The following PRP4K variants were observed in gnomAD, a reference collection of about 807,000 sequenced individuals.
PRP4K encodes the protein pre-mRNA processing factor kinase PRP4K, also known as serine/threonine-protein kinase PRP4 homolog.
chr6:4,035,563 C>T, the PRP4K span, among the ~76,000 whole-genome samples: 1 of 152,114 alleles, frequency 6.6e-6, no homozygotes, highest in African/African-American at 2.4e-5. Flanking sequence ...GTAAGCACTA[C>T]AGATCTGAAT....
chr6:4,040,259 T>C, the PRP4K span, among the ~76,000 whole-genome samples: 1 of 152,078 alleles, frequency 6.6e-6, no homozygotes, highest in Non-Finnish European at 1.5e-5. Flanking sequence ...GAAACATGCA[T>C]ATAACTTACA....
the PRP4K span, among the ~76,000 whole-genome samples, chr6:4,038,683 G>A: frequency 6.6e-6 from 1 of 152,026 alleles, no homozygotes; most frequent in South Asian, 2.1e-4. Context: ...TCATTGCTGA[G>A]CAAATAGTTG....
chr6:4,032,863 TAAATG>T, the PRP4K span: 9 of 1,218,868 alleles, frequency 7.4e-6, no homozygotes, highest in African/African-American at 3.1e-5. Flanking sequence ...AAAATAAAAA[TAAATG>T]AAGTAGTAAT....
chr6:4,028,844 A>C, the PRP4K span, among the ~76,000 whole-genome samples: 1 of 151,022 alleles, frequency 6.6e-6, no homozygotes, highest in African/African-American at 2.4e-5. Context: ...TCTCTCCCCC[A>C]CCCCTTCTCC....
At chr6:4,049,457 T>C in the PRP4K span, 1 of 481,168 alleles carries the variant, frequency 2.1e-6, no homozygotes, top group Admixed American at 3.8e-5. Flanking sequence ...CATGCGGTAT[T>C]TGTCATGCGG....
chr6:4,060,428 A>G, the PRP4K span: 3 of 1,613,858 alleles, frequency 1.9e-6, no homozygotes, highest in Non-Finnish European at 1.7e-6. The surrounding 1 kb of genome is among the most constrained non-coding windows in gnomAD (Gnocchi z 4.7). Flanking sequence ...AGTTACTGTT[A>G]TGAGCACCAT....
At chr6:4,027,201 C>T in the PRP4K span, among the ~76,000 whole-genome samples, 1 of 152,184 alleles carries the variant, frequency 6.6e-6, no homozygotes, top group Non-Finnish European at 1.5e-5. Flanking sequence ...TAACAGCCTT[C>T]TCACTGGTTT....
chr6:4,056,607 G>A, the PRP4K span: 1 of 1,588,532 alleles, frequency 6.3e-7, no homozygotes. Flanking sequence ...GTTGTGACAG[G>A]AGTCTTGATC....
At chr6:4,037,606 T>G in the PRP4K span, 1 of 1,580,180 alleles carries the variant, frequency 6.3e-7, no homozygotes, top group Non-Finnish European at 8.6e-7. Flanking sequence ...CATTAAACTC[T>G]GAATGTTTTT....
At chr6:4,056,515 A>G in the PRP4K span, 3 of 1,608,920 alleles carry the variant, frequency 1.9e-6, no homozygotes, top group South Asian at 2.2e-5. Context: ...ACTGTTTTCC[A>G]TCACACTTCA....
chr6:4,044,863 A>ATTTTT, the PRP4K span, among the ~76,000 whole-genome samples: 364 of 132,292 alleles, frequency 2.8e-3, 5 homozygotes, highest in African/African-American at 0.01. Flanking sequence ...TATTATTATT[A>ATTTTT]TTTTTTTTTT....
At chr6:4,040,951 C>T in the PRP4K span, 22 of 1,586,402 alleles carry the variant, frequency 1.4e-5, 1 homozygote, top group Non-Finnish European at 1.9e-5. Flanking sequence ...TTACCCATAA[C>T]TTTGTTTTTC....
At chr6:4,058,535 G>A in the PRP4K span, among the ~76,000 whole-genome samples, 4 of 152,220 alleles carry the variant, frequency 2.6e-5, no homozygotes, top group African/African-American at 7.2e-5. Flanking sequence ...ATGTTATTAA[G>A]TAGTTTTAGG....
chr6:4,041,819 G>A, the PRP4K span, among the ~76,000 whole-genome samples: 1 of 152,174 alleles, frequency 6.6e-6, no homozygotes, highest in South Asian at 2.1e-4. Flanking sequence ...ATTAAAACCA[G>A]GTGATTAAAG....
the PRP4K span, chr6:4,043,662 T>A: frequency 2.5e-3 from 1,894 of 742,788 alleles, 35 homozygotes; most frequent in African/African-American, 0.037. Flanking sequence ...CATAAGGGAT[T>A]GCAGATTTGA....
At chr6:4,049,429 G>T in the PRP4K span, 1 of 463,032 alleles carries the variant, frequency 2.2e-6, no homozygotes, top group Non-Finnish European at 3.8e-6. Flanking sequence ...CGACAAACAG[G>T]AAACTTTGGA....
At chr6:4,060,436 C>G in the PRP4K span, 1 of 1,613,760 alleles carries the variant, frequency 6.2e-7, no homozygotes, top group Non-Finnish European at 8.5e-7. The surrounding 1 kb of genome is among the most constrained non-coding windows in gnomAD (Gnocchi z 4.7). Context: ...TTATGAGCAC[C>G]ATTAATCCAA....
At chr6:4,022,474 TTTTG>T in the PRP4K span, among the ~76,000 whole-genome samples, 2 of 70,042 alleles carry the variant, frequency 2.9e-5, no homozygotes, top group African/African-American at 1.5e-4. Flanking sequence ...TTGTTTTGTT[TTTTG>T]TTTTTTTTTG....
chr6:4,022,111 C>T, the PRP4K span, among the ~76,000 whole-genome samples: 1 of 146,058 alleles, frequency 6.8e-6, no homozygotes, highest in Non-Finnish European at 1.5e-5. Flanking sequence ...AACTTGCAAA[C>T]TTGAGGCAAA....
Sources: allele counts gnomAD v4.1 joint callset (sites outside exome capture counted in the v4.1 genomes callset), GRCh38; gene constraint gnomAD v4.1.1; non-coding constraint Gnocchi (gnomAD v3.1); transcripts MANE v1.5; gene names NCBI Gene and HGNC (gene_info 2026-07-23, HGNC 2026-07-21).